The following SCOC variants were observed in gnomAD, a reference collection of about 807,000 sequenced individuals.
The protein encoded by SCOC is short coiled coil protein.
A neutral mutation model predicts 9.9 loss-of-function variants in SCOC; 7 were observed. That is an observed-to-expected ratio of 0.71 (90% CI 0.40 to 1.33). The LOEUF is 1.33. Among genes scored for constraint, SCOC ranks in the 40% most tolerant of loss-of-function variants. The pLI, the probability that SCOC is intolerant of heterozygous loss-of-function variation, is 0.01. For missense variants in SCOC, 66 were observed against 89.7 expected, an observed-to-expected ratio of 0.74 and a Z score of 1.07; for synonymous variants, 19 against 28.2, an observed-to-expected ratio of 0.67 and a Z score of 1.03.
chr4:140,294,752 AG>A (rs1306732900), intron 1 of SCOC, among the ~76,000 whole-genome samples: 1 of 152,172 alleles, frequency 6.6e-6, no homozygotes, highest in African/African-American at 2.4e-5. Flanking sequence ...ATCCACCATA[AG>A]CTGAAATGTT....
intron 1 of SCOC, among the ~76,000 whole-genome samples, chr4:140,300,908 C>T (rs900594735): frequency 1.4e-4 from 21 of 152,178 alleles, no homozygotes; most frequent in African/African-American, 4.3e-4. Context: ...GGGCTGGCAC[C>T]TCCTCAATGG....
chr4:140,306,448 G>A (rs531785342), intron 1 of SCOC, among the ~76,000 whole-genome samples: 1 of 152,272 alleles, frequency 6.6e-6, no homozygotes, highest in Admixed American at 6.5e-5. Context: ...CCCAAGTCAG[G>A]TAGTTCAATA....
chr4:140,259,946 C>T (rs929120942), intron 1 of SCOC, among the ~76,000 whole-genome samples: 12 of 152,180 alleles, frequency 7.9e-5, no homozygotes, highest in Admixed American at 2.0e-4. Flanking sequence ...TTCCTGGATA[C>T]GCCCTTCCTT....
rs1346289539 is a variant in SCOC, at chr4:140,373,648, C to T, written c.-120C>T. On this transcript the variant is annotated 5_prime_UTR_variant, in exon 1 of 4. Coordinates refer to ENST00000608372, the MANE Select transcript of SCOC (RefSeq NM_001153484.2). ...GCGGAGTGGGCGGAGCTGCCGGGGT[C>T]AGTTGGTCCAAGTGTCCCGGCCTGA... 4 of 1,551,562 alleles carry T rather than the reference C, an allele frequency of 2.6e-6. No homozygotes were observed. The highest frequency in any genetic ancestry group is 3.5e-6 in the Non-Finnish European group (4 of 1,146,978).
At chr4:140,299,337 T>C (rs1383486403) in intron 1 of SCOC, among the ~76,000 whole-genome samples, 2 of 152,194 alleles carry the variant, frequency 1.3e-5, no homozygotes, top group Non-Finnish European at 2.9e-5. Flanking sequence ...AGAAATGTAG[T>C]GCTAAATGCC....
chr4:140,353,242 T>C (rs1199165379), intron 2 of SCOC, among the ~76,000 whole-genome samples: 1 of 152,134 alleles, frequency 6.6e-6, no homozygotes, highest in Admixed American at 6.5e-5. Context: ...TCTATTGGGC[T>C]CCACGAGCCT....
chr4:140,272,076 A>G (rs1255114399), intron 1 of SCOC, among the ~76,000 whole-genome samples: 3 of 127,388 alleles, frequency 2.4e-5, no homozygotes, highest in African/African-American at 9.7e-5. Flanking sequence ...TTTTTTTTTG[A>G]GACAGGGTCT....
intron 1 of SCOC, among the ~76,000 whole-genome samples, chr4:140,295,757 G>A (rs1330994261): frequency 6.6e-6 from 1 of 151,728 alleles, no homozygotes; most frequent in Non-Finnish European, 1.5e-5. Context: ...ATGAAACCCC[G>A]TCTCTACTAA....
At chr4:140,262,360 C>T (rs12502106) in intron 1 of SCOC, among the ~76,000 whole-genome samples, 1 of 152,054 alleles carries the variant, frequency 6.6e-6, no homozygotes, top group Non-Finnish European at 1.5e-5. Flanking sequence ...TTGTGACTTG[C>T]TTGAGGTGAA....
intron 1 of SCOC, among the ~76,000 whole-genome samples, chr4:140,291,007 C>T (rs1010802175): frequency 2.0e-5 from 3 of 152,158 alleles, no homozygotes; most frequent in Non-Finnish European, 2.9e-5. Context: ...CCCCAGAAGC[C>T]TGCATTATTG....
chr4:140,300,913 C>G (rs1030415356), intron 1 of SCOC, among the ~76,000 whole-genome samples: 10 of 152,214 alleles, frequency 6.6e-5, no homozygotes, highest in African/African-American at 2.4e-4. Context: ...GGCACCTCCT[C>G]AATGGCAGTG....
At chr4:140,343,656 AGAG>A (rs767470937) in exon 2 of SCOC, 2 of 1,613,778 alleles carry the variant, frequency 1.2e-6, no homozygotes, top group South Asian at 1.1e-5. Flanking sequence ...GGTCCAGGAA[AGAG>A]GAGGAGGAAG....
At chr4:140,316,548 T>C (rs772041704) in intron 1 of SCOC, among the ~76,000 whole-genome samples, 4 of 152,180 alleles carry the variant, frequency 2.6e-5, no homozygotes, top group Non-Finnish European at 4.4e-5. Context: ...AACATACACG[T>C]AGACCAAAAG....
intron 1 of SCOC, among the ~76,000 whole-genome samples, chr4:140,275,818 TTG>T (rs58403381): frequency 0.058 from 8,206 of 140,442 alleles, 814 homozygotes; most frequent in African/African-American, 0.21. Context: ...TCGCTCAGGT[TTG>T]TTTTTTTTTT....
chr4:140,347,331 A>G (rs1403582216), intron 2 of SCOC, among the ~76,000 whole-genome samples: 1 of 152,124 alleles, frequency 6.6e-6, no homozygotes, highest in African/African-American at 2.4e-5. Flanking sequence ...TTAGGAATCT[A>G]TGGTCTCAAC....
intron 1 of SCOC, among the ~76,000 whole-genome samples, chr4:140,286,472 T>A (rs1001997331): frequency 6.6e-6 from 1 of 152,168 alleles, no homozygotes; most frequent in Non-Finnish European, 1.5e-5. Flanking sequence ...ACGAGCCATA[T>A]GCAGCTTCCA....
chr4:140,294,043 A>T (rs1446485446), intron 1 of SCOC, among the ~76,000 whole-genome samples: 1 of 152,232 alleles, frequency 6.6e-6, no homozygotes, highest in Admixed American at 6.5e-5. Context: ...TCCAAAACAC[A>T]TTAAAAAACA....
In SCOC at chr4:140,379,512, C is replaced by T. The variant is rs949494680; in HGVS notation, c.23-57C>T. ...ACATTTTGCAGATTTTTAAGTGCTA[C>T]CCTACACAAATGTACCTAATGCTAA... is the stretch of plus-strand genomic sequence containing the variant. On this transcript the variant is annotated intron_variant, in intron 2 of 3. Transcript: ENST00000608372. The T allele has an allele frequency of 4.8e-6, 6 of 1,250,000 alleles. No homozygotes were observed. The African/African-American group carries it at 6.0e-5, about 12-fold the overall frequency. 77.4% of individuals were successfully genotyped at this position (1,250,000 alleles called of 1,614,324 possible).
At chr4:140,335,504 A>G (rs1374745281) in intron 1 of SCOC, among the ~76,000 whole-genome samples, 1 of 152,244 alleles carries the variant, frequency 6.6e-6, no homozygotes, top group Non-Finnish European at 1.5e-5. Flanking sequence ...TCCAATTTGC[A>G]CTAATTTGTC....
Sources: allele counts gnomAD v4.1 joint callset (sites outside exome capture counted in the v4.1 genomes callset), GRCh38; gene constraint gnomAD v4.1.1; transcripts MANE v1.5; gene names NCBI Gene and HGNC (gene_info 2026-07-23, HGNC 2026-07-21).